TAOK3: variants seen among roughly 807,000 people sequenced by gnomAD.
TAOK3 encodes the protein serine/threonine-protein kinase TAO3.
Under a neutral mutation model 120.4 loss-of-function variants are expected in TAOK3, and 40 were observed. The ratio of observed to expected loss-of-function variants is 0.33; its 90% CI spans 0.26 to 0.43. The LOEUF (loss-of-function observed/expected upper bound fraction) is 0.43, where lower values mean the gene tolerates loss of function less well. Ranked by LOEUF, TAOK3 falls within the 20% of genes least tolerant of loss-of-function variation. The probability of loss-of-function intolerance (pLI) is 1.00; values close to 1 mark genes in which losing one functional copy is unlikely to be tolerated. For synonymous variants in TAOK3, 355 were observed against 387.5 expected, an observed-to-expected ratio of 0.92 and a Z score of 0.99; for missense variants, 821 against 1,112.1, an observed-to-expected ratio of 0.74 and a Z score of 3.72.
chr12:118,172,280 T>G (rs899519127), intron 17 of TAOK3, among the ~76,000 whole-genome samples, 177 bp downstream of exon 17: 1 of 152,212 alleles, frequency 6.6e-6, no homozygotes, highest in Non-Finnish European at 1.5e-5. Context: ...GGGCTTCCTC[T>G]TATCAATAGT....
At chr12:118,233,924 A>C (rs2039896156) in intron 8 of TAOK3, among the ~76,000 whole-genome samples, 159 bp from the exon 9 acceptor site, 1 of 152,182 alleles carries the variant, frequency 6.6e-6, no homozygotes, top group Non-Finnish European at 1.5e-5. Context: ...CACTATTCAA[A>C]ATATAATCTA....
Position 118,150,920 on chromosome 12 carries a change from A to G in TAOK3, c.*77T>C. On this transcript the variant is annotated 3_prime_UTR_variant, in exon 21 of 21. Transcript: ENST00000392533. ...AGAGCAACGCCCGTTAAAATGGGGAATGTGGTTTTGCAGGGTCTGAATTTT... is the reference window on the plus strand; with the variant it reads ...AGAGCAACGCCCGTTAAAATGGGGAGTGTGGTTTTGCAGGGTCTGAATTTT... 7.3e-7 allele frequency: 1 copy of G among 1,376,516 alleles called. No homozygotes were observed. The highest frequency in any genetic ancestry group is 2.3e-5 in the Admixed American group (1 of 44,386). The allele number at this position is 1,376,516 out of a possible 1,614,324, so 85.3% of individuals were successfully genotyped here. A position where few individuals can be genotyped will look rare whatever the true frequency, so the allele number is the denominator to read the frequency against.
chr12:118,259,366 T>A (rs2041126060), intron 2 of TAOK3, among the ~76,000 whole-genome samples: 1 of 152,072 alleles, frequency 6.6e-6, no homozygotes, highest in Non-Finnish European at 1.5e-5. Context: ...GGCAACAGGC[T>A]GTATCGCTAC....
rs563367116 is a variant in TAOK3 at position 118,158,192 on chromosome 12, T to C, written c.2352+1954A>G. 6.6e-5 allele frequency among the ~76,000 whole-genome samples: 10 copies of C among 152,336 alleles called. No homozygotes were observed. The East Asian group carries it at 1.9e-3, about 29-fold the overall frequency. On this transcript the variant is annotated intron_variant, in intron 19 of 20. Transcript: ENST00000392533. ...GGTTCCCTTCCTGTGTCTCTGATTA[T>C]TCACTTTTGTTCTACTTCTACCTCA...
chr12:118,211,706 C>T (rs1565953934), intron 11 of TAOK3, among the ~76,000 whole-genome samples: 1 of 151,768 alleles, frequency 6.6e-6, no homozygotes, highest in Non-Finnish European at 1.5e-5. Context: ...ACCTCAAAAT[C>T]CTGGGCTCAC....
At chr12:118,225,674 A>G (rs1001221995) in intron 9 of TAOK3, among the ~76,000 whole-genome samples, 1 of 152,210 alleles carries the variant, frequency 6.6e-6, no homozygotes, top group Admixed American at 6.5e-5. Context: ...TATAATATGT[A>G]TAACAGAAAA....
In TAOK3 at chr12:118,161,653, G is replaced by C. The variant is rs2035225835; in HGVS notation, c.2139+135C>G. On this transcript the variant is annotated intron_variant, in intron 18 of 20. Coordinates refer to ENST00000392533, the MANE Select transcript of TAOK3 (RefSeq NM_016281.4). This position sits in a 1 kb window ranked among gnomAD's most constrained non-coding sequence, Gnocchi z 4.5. ...AGCTTAAATATAGACTCTGTGCTTT[G>C]CAACTGGAGATTCTGATACAATAGG... The C allele has an allele frequency of 8.4e-7, 1 of 1,192,452 alleles. No homozygotes were observed. The highest frequency in any genetic ancestry group is 1.5e-5 in the South Asian group (1 of 68,118). The allele number at this position is 1,192,452 out of a possible 1,614,324, so 73.9% of individuals were successfully genotyped here.
chr12:118,247,463 TACTC>T (rs780406903), intron 3 of TAOK3, among the ~76,000 whole-genome samples: 1 of 149,434 alleles, frequency 6.7e-6, no homozygotes, highest in Non-Finnish European at 1.5e-5. Context: ...CCTCTCAACT[TACTC>T]AAGATATACA....
At chr12:118,165,480 C>T (rs2035519037) in intron 17 of TAOK3, among the ~76,000 whole-genome samples, 1 of 152,234 alleles carries the variant, frequency 6.6e-6, no homozygotes. Context: ...TAATGAAATG[C>T]TTCAAGATAC....
chr12:118,302,836 A>AT (rs949056593), intron 1 of TAOK3, among the ~76,000 whole-genome samples: 1 of 152,024 alleles, frequency 6.6e-6, no homozygotes, highest in Non-Finnish European at 1.5e-5. Context: ...AAAACACAGC[A>AT]TTTTTTTTCT....
chr12:118,153,368 C>T (rs2034585951), intron 19 of TAOK3, among the ~76,000 whole-genome samples: 1 of 152,074 alleles, frequency 6.6e-6, no homozygotes, highest in Admixed American at 6.5e-5. Context: ...GCTATGATCA[C>T]ACCAATGCAC....
At chr12:118,335,522 A>G (rs1185740465) in intron 1 of TAOK3, among the ~76,000 whole-genome samples, 1 of 152,038 alleles carries the variant, frequency 6.6e-6, no homozygotes. Context: ...GAAAATTTTT[A>G]CCAAATATTA....
intron 6 of TAOK3, 121 bp from the exon 7 acceptor site, chr12:118,238,290 C>T: frequency 3.7e-6 from 2 of 536,218 alleles, no homozygotes; most frequent in South Asian, 5.6e-5. Context: ...GGAACACATT[C>T]ACCTAGATCT....
chr12:118,311,607 T>G lies in TAOK3; in HGVS notation c.-193-44848A>C, dbSNP rs1413973701. The stretch of plus-strand genomic sequence containing the variant: ...CAAGAGACAAAGAATAAGTCTCATT[T>G]AGAGTTGAATAATTTTTTTTTTTTA... On this transcript the variant is annotated intron_variant, in intron 1 of 20. Coordinates refer to ENST00000392533, the MANE Select transcript of TAOK3 (RefSeq NM_016281.4). Among the ~76,000 whole-genome samples the G allele has an allele frequency of 6.4e-5, 8 of 124,418 alleles. No individual in the cohort carries two copies. In the Admixed American group the frequency reaches 7.3e-4, roughly 11 times the overall value. 81.6% of individuals were successfully genotyped at this position (124,418 alleles called of 152,430 possible).
At chr12:118,293,407 G>A (rs920307608) in intron 1 of TAOK3, among the ~76,000 whole-genome samples, 2 of 152,048 alleles carry the variant, frequency 1.3e-5, no homozygotes, top group African/African-American at 4.8e-5. Context: ...GGCTGGGTGT[G>A]GTGGCTCACG....
chr12:118,199,440 C>T, intron 12 of TAOK3, 183 bp from the exon 13 acceptor site: 1 of 607,314 alleles, frequency 1.6e-6, no homozygotes, highest in Non-Finnish European at 2.9e-6. Flanking sequence ...CTCATATTTG[C>T]TTCCTATGCC....
chr12:118,165,134 G>A (rs2035498409), intron 17 of TAOK3, among the ~76,000 whole-genome samples: 1 of 152,038 alleles, frequency 6.6e-6, no homozygotes, highest in Non-Finnish European at 1.5e-5. Flanking sequence ...ATCTCCTCCC[G>A]TGTTTTCCTT....
chr12:118,223,993 C>A lies in TAOK3; in HGVS notation c.643+9681G>T, dbSNP rs552929995. Reference sequence around the variant, plus strand: ...TGAAAACCATAATAACTAATGATAACAAAATAATCGCTACCATTTACTGAA... The same window carrying A: ...TGAAAACCATAATAACTAATGATAAAAAAATAATCGCTACCATTTACTGAA... On this transcript the variant is annotated intron_variant, in intron 9 of 20. Coordinates refer to ENST00000392533, the MANE Select transcript of TAOK3 (RefSeq NM_016281.4). 9.2e-5 allele frequency among the ~76,000 whole-genome samples: 14 copies of A among 152,292 alleles called. No individual in the cohort carries two copies. The East Asian group carries it at 2.7e-3, about 29-fold the overall frequency.
chr12:118,243,533 A>G lies in TAOK3; in HGVS notation c.193-17T>C. On this transcript the variant is annotated splice_polypyrimidine_tract_variant and intron_variant, in intron 4 of 20. Coordinates refer to ENST00000392533, the MANE Select transcript of TAOK3 (RefSeq NM_016281.4). The stretch of plus-strand genomic sequence containing the variant: ...TTGCCATTTCTATTGAAGTCAGAAA[A>G]GGAACATTTTAATTTAATTTTTGAT... 8.7e-7 allele frequency: 1 copy of G among 1,153,730 alleles called. No individual in the cohort carries two copies. Among genetic ancestry groups the G allele is most frequent in the South Asian group, 1.6e-5 (1 of 62,124 alleles). The allele number at this position is 1,153,730 out of a possible 1,614,324, so 71.5% of individuals were successfully genotyped here.
Sources: gnomAD v4.1 joint callset for allele counts (sites outside exome capture counted in the v4.1 genomes callset) on GRCh38, gnomAD v4.1.1 for gene constraint, Gnocchi (gnomAD v3.1) non-coding constraint, MANE v1.5 for transcripts, NCBI Gene and HGNC (gene_info 2026-07-23, HGNC 2026-07-21) for gene names.